The following MAP3K5 variants were observed in gnomAD, a reference collection of about 807,000 sequenced individuals.
MAP3K5 encodes mitogen-activated protein kinase kinase kinase 5.
In MAP3K5, 56 loss-of-function variants were observed where a neutral mutation model predicts 158.7. The observed-to-expected ratio is 0.35, with a 90% CI of 0.28 to 0.44. The LOEUF is 0.44. Ranked by LOEUF, MAP3K5 falls within the 20% of genes least tolerant of loss-of-function variation. The pLI is 1.00. For synonymous variants in MAP3K5, 579 were observed against 601.7 expected (o/e 0.96, Z 0.55); for missense variants, 1,294 against 1,674.8 (o/e 0.77, Z 3.97).
chr6:136,626,631 G>A (rs1329605676), intron 14 of MAP3K5, among the ~76,000 whole-genome samples: 1 of 152,150 alleles, frequency 6.6e-6, no homozygotes, highest in East Asian at 1.9e-4. Flanking sequence ...TGCTGTGCCT[G>A]CCACGCTGGA....
At chr6:136,604,609 T>G (rs1776023984) in intron 19 of MAP3K5, among the ~76,000 whole-genome samples, 3 of 152,108 alleles carry the variant, frequency 2.0e-5, no homozygotes, top group Admixed American at 2.0e-4. Flanking sequence ...ATGCTGGCAC[T>G]TGTGCTCTCA....
intron 1 of MAP3K5, among the ~76,000 whole-genome samples, chr6:136,762,880 G>A (rs1207078383): frequency 1.3e-5 from 2 of 152,112 alleles, no homozygotes; most frequent in Non-Finnish European, 2.9e-5. Context: ...TCATTGCCTT[G>A]CCCTCTTCAC....
rs370580910 is a variant in MAP3K5 at position 136,642,592 on chromosome 6, T to C, written c.1789-23A>G. ...TTTCTAGAACAACAACAAGAAAATA[T>C]ACTGAGTCATCCAAATGGAAAATAA... On this transcript the variant is annotated intron_variant, in intron 11 of 29. Transcript: ENST00000359015. 3.3e-6 allele frequency: 5 copies of C among 1,504,466 alleles called. No homozygotes were observed. In the African/African-American group the frequency reaches 4.1e-5, roughly 12 times the overall value. 93.2% of individuals were successfully genotyped at this position (1,504,466 alleles called of 1,614,324 possible).
chr6:136,595,729 T>C (rs2035026513), intron 21 of MAP3K5, among the ~76,000 whole-genome samples: 1 of 152,006 alleles, frequency 6.6e-6, no homozygotes, highest in African/African-American at 2.4e-5. Flanking sequence ...AAGACGGCAA[T>C]TGGGCGGCTG....
chr6:136,768,335 A>C (rs1411051423), intron 1 of MAP3K5, among the ~76,000 whole-genome samples: 1 of 152,232 alleles, frequency 6.6e-6, no homozygotes, highest in Non-Finnish European at 1.5e-5. Context: ...TCCAGAATAG[A>C]TACAGACTAT....
chr6:136,673,651 A>C (rs1026274453), intron 7 of MAP3K5, among the ~76,000 whole-genome samples: 1 of 151,838 alleles, frequency 6.6e-6, no homozygotes, highest in African/African-American at 2.4e-5. Flanking sequence ...GTGGAAAAAC[A>C]GTTTTGGTGA....
intron 25 of MAP3K5, among the ~76,000 whole-genome samples, chr6:136,571,622 A>G (rs1223449703): frequency 6.6e-6 from 1 of 152,212 alleles, no homozygotes; most frequent in Non-Finnish European, 1.5e-5. Context: ...CATTATATGT[A>G]TACACCACAT....
chr6:136,648,409 G>A (rs1169133681), intron 11 of MAP3K5, among the ~76,000 whole-genome samples: 1 of 152,174 alleles, frequency 6.6e-6, no homozygotes, highest in Non-Finnish European at 1.5e-5. Flanking sequence ...AGCTTGGACA[G>A]TGTTTCACAA....
chr6:136,645,719 C>T (rs1173832425), intron 11 of MAP3K5, among the ~76,000 whole-genome samples: 1 of 152,174 alleles, frequency 6.6e-6, no homozygotes, highest in Non-Finnish European at 1.5e-5. Context: ...TAGAGTAGCT[C>T]TCTCTAAGAG....
chr6:136,667,081 A>C (rs1779258916), intron 8 of MAP3K5, among the ~76,000 whole-genome samples: 1 of 152,232 alleles, frequency 6.6e-6, no homozygotes, highest in South Asian at 2.1e-4. Context: ...GTACATTTTC[A>C]AACCATTGTC....
chr6:136,685,789 AC>A (rs373327600), intron 7 of MAP3K5, among the ~76,000 whole-genome samples: 1 of 152,032 alleles, frequency 6.6e-6, no homozygotes, highest in African/African-American at 2.4e-5. Flanking sequence ...AAAGAAAAAA[AC>A]AAGGGTCAGT....
chr6:136,784,839 C>T (rs963370337), intron 1 of MAP3K5, among the ~76,000 whole-genome samples: 5 of 152,072 alleles, frequency 3.3e-5, no homozygotes, highest in African/African-American at 1.2e-4. Context: ...TAACATAAAA[C>T]TTTCCTTTTT....
rs370436999 is a variant in MAP3K5, at chr6:136,743,654, A to G, written c.449-23065T>C. Among the ~76,000 whole-genome samples, 33 of 152,308 alleles carry G rather than the reference A, an allele frequency of 2.2e-4. 1 individual carries two copies. Among genetic ancestry groups the G allele is most frequent in the Admixed American group, 9.1e-4 (14 of 15,302 alleles). On this transcript the variant is annotated intron_variant, in intron 1 of 29. Transcript: ENST00000359015. ...TATGATAAAACTAAACGTTTATACT[A>G]TTGCTATACAACCCACCATTTGCAC...
intron 15 of MAP3K5, among the ~76,000 whole-genome samples, chr6:136,622,080 C>T (rs1347583002): frequency 2.1e-5 from 3 of 142,090 alleles, no homozygotes; most frequent in East Asian, 2.2e-4. Flanking sequence ...AGCAAGACTC[C>T]GTCTCAAAAA....
chr6:136,768,836 C>A (rs1207539120), intron 1 of MAP3K5, among the ~76,000 whole-genome samples: 1 of 151,996 alleles, frequency 6.6e-6, no homozygotes. Flanking sequence ...TCGCTTGAAC[C>A]CAGGAGACGG....
intron 1 of MAP3K5, among the ~76,000 whole-genome samples, chr6:136,785,651 C>T (rs1167730888): frequency 6.6e-6 from 1 of 152,140 alleles, no homozygotes. Flanking sequence ...GCTGGCATTG[C>T]CTCCTCCTTC....
intron 6 of MAP3K5, among the ~76,000 whole-genome samples, chr6:136,695,424 C>A (rs956931449): frequency 6.6e-6 from 1 of 152,134 alleles, no homozygotes; most frequent in African/African-American, 2.4e-5. Context: ...CAGGAGTGAG[C>A]CACCACGCCC....
chr6:136,581,463 C>T (rs1403258321), intron 24 of MAP3K5, among the ~76,000 whole-genome samples: 1 of 152,186 alleles, frequency 6.6e-6, no homozygotes, highest in East Asian at 1.9e-4. Context: ...GCTATTTCCC[C>T]AACAGGGCTC....
chr6:136,758,849 CTA>C (rs1364821989), intron 1 of MAP3K5, among the ~76,000 whole-genome samples: 1 of 152,222 alleles, frequency 6.6e-6, no homozygotes, highest in Non-Finnish European at 1.5e-5. Context: ...CTGTTTCTGC[CTA>C]TGTTTCTATG....
Sources: allele counts gnomAD v4.1 joint callset (sites outside exome capture counted in the v4.1 genomes callset), GRCh38; gene constraint gnomAD v4.1.1; transcripts MANE v1.5; gene names NCBI Gene and HGNC (gene_info 2026-07-23, HGNC 2026-07-21).